The following GPAT3 variants were observed in gnomAD, a reference collection of about 807,000 sequenced individuals.
GPAT3 encodes glycerol-3-phosphate acyltransferase 3.
GPAT3 carries 53 observed loss-of-function variants against 58.8 expected under a neutral mutation model. The ratio of observed to expected loss-of-function variants is 0.90; its 90% CI spans 0.72 to 1.13. GPAT3 has a LOEUF of 1.13. GPAT3 is among the 50% of genes most tolerant of loss of function. GPAT3 has a pLI of 0.00. For synonymous variants in GPAT3, 197 were observed against 187.4 expected (o/e 1.05, Z -0.42); for missense variants, 511 against 527.6 (o/e 0.97, Z 0.31).
At chr4:83,583,680 A>G (rs1274973744) in intron 3 of GPAT3, among the ~76,000 whole-genome samples, 8 of 146,066 alleles carry the variant, frequency 5.5e-5, no homozygotes, top group Admixed American at 1.4e-4. Flanking sequence ...AAAAAAAAAA[A>G]AAAAAAAAAA....
chr4:83,569,322 G>T (rs1450678266), intron 2 of GPAT3, among the ~76,000 whole-genome samples: 1 of 152,202 alleles, frequency 6.6e-6, no homozygotes, highest in Non-Finnish European at 1.5e-5. Context: ...TCTGTCTTTT[G>T]CTCAAAGACC....
intron 2 of GPAT3, among the ~76,000 whole-genome samples, chr4:83,546,357 A>G (rs1239351424): frequency 6.7e-6 from 1 of 148,932 alleles, no homozygotes; most frequent in African/African-American, 2.5e-5. Flanking sequence ...AGTAGATGAG[A>G]GGGTCTAGTA....
intron 2 of GPAT3, among the ~76,000 whole-genome samples, chr4:83,555,271 C>A (rs1461658181): frequency 6.6e-6 from 1 of 152,158 alleles, no homozygotes; most frequent in Non-Finnish European, 1.5e-5. Flanking sequence ...TGGCTGGGAG[C>A]TCCTGGATAG....
intron 3 of GPAT3, among the ~76,000 whole-genome samples, chr4:83,583,697 A>AT (rs1288629400): frequency 6.7e-6 from 1 of 148,394 alleles, no homozygotes; most frequent in Admixed American, 6.8e-5. Context: ...AAAAAAAAAA[A>AT]TGAAGCTGGG....
chr4:83,536,126 C>T lies in GPAT3; in HGVS notation c.-497C>T. On this transcript the variant is annotated 5_prime_UTR_variant, in exon 1 of 12. Transcript: ENST00000264409. ...CGCAGCCAGCTTCCAGCACAGCCCG[C>T]GGCCCGGTGCCAGCTCCGCCGGCGA... 3 of 985,864 alleles carry T rather than the reference C, an allele frequency of 3.0e-6. No individual in the cohort carries two copies. The highest frequency in any genetic ancestry group is 3.6e-6 in the Non-Finnish European group (3 of 830,186). 61.1% of individuals were successfully genotyped at this position (985,864 alleles called of 1,614,324 possible).
In GPAT3 at chr4:83,562,185, ATATATATATATATAATATATATATAT is replaced by A. The variant is rs1164944337; in HGVS notation, c.208+17609_208+17634del. Among the ~76,000 whole-genome samples the A allele has an allele frequency of 7.3e-4, 38 of 52,022 alleles. 1 individual carries two copies. The highest frequency in any genetic ancestry group is 1.2e-3 in the Non-Finnish European group (36 of 30,402). 34.1% of individuals were successfully genotyped at this position (52,022 alleles called of 152,430 possible). A position where few individuals can be genotyped will look rare whatever the true frequency, so the allele number is the denominator to read the frequency against. Reference sequence around the variant, plus strand: ...TTTCTAGTTATTTTATATATTATATATATATATATATATAATATATATATATTATATATATATATAATATATATATA... The same window carrying A: ...TTTCTAGTTATTTTATATATTATATATATATATATATATAATATATATATA... On this transcript the variant is annotated intron_variant, in intron 2 of 11. Coordinates refer to ENST00000264409, the MANE Select transcript of GPAT3 (RefSeq NM_032717.5).
At chr4:83,602,112 C>T (rs1194123334) in intron 11 of GPAT3, among the ~76,000 whole-genome samples, 2 of 152,186 alleles carry the variant, frequency 1.3e-5, no homozygotes, top group African/African-American at 2.4e-5. Context: ...CATGGTCATA[C>T]GTGCAACTGG....
chr4:83,579,059 TTTCTTTCTTTCTTTCTTTCTTCCCTTCC>T (rs1355508332), intron 2 of GPAT3, among the ~76,000 whole-genome samples: 1 of 34,936 alleles, frequency 2.9e-5, no homozygotes, highest in Non-Finnish European at 5.5e-5. Context: ...TCTTTCTTTC[TTTCTTTCTTTCTTTCTTTCTTCCCTTCC>T]TTCCTTCCTT....
intron 3 of GPAT3, among the ~76,000 whole-genome samples, chr4:83,582,789 T>G (rs1014689581): frequency 6.6e-5 from 10 of 152,092 alleles, no homozygotes; most frequent in South Asian, 6.2e-4. Flanking sequence ...TGTTGTTGTT[T>G]TTTTTTGCCC....
In GPAT3 at chr4:83,590,457, G is replaced by A. The variant is rs138433162; in HGVS notation, c.738+165G>A. On this transcript the variant is annotated intron_variant, in intron 6 of 11. Transcript: ENST00000264409. The stretch of plus-strand genomic sequence containing the variant: ...AATGTATTTACATGAGGAATATGTA[G>A]TGCAAGAAAAGGAAGGAAAATAGCC... Among the ~76,000 whole-genome samples the A allele has an allele frequency of 3.8e-3, 584 of 152,312 alleles. 7 individuals are homozygous for A. In the East Asian group the frequency reaches 0.06, roughly 16 times the overall value.
At chr4:83,598,963 A>T (rs563270212) in intron 11 of GPAT3, among the ~76,000 whole-genome samples, 13 of 151,234 alleles carry the variant, frequency 8.6e-5, no homozygotes, top group Admixed American at 7.3e-4. Context: ...CTATTTTAAA[A>T]TTTTTTGTAG....
At chr4:83,584,096 G>A (rs1726273310) in intron 3 of GPAT3, among the ~76,000 whole-genome samples, 1 of 152,236 alleles carries the variant, frequency 6.6e-6, no homozygotes, top group Non-Finnish European at 1.5e-5. Context: ...CAGTGCTTGA[G>A]ATGCCCTTGT....
Position 83,590,139 on chromosome 4 carries a change from G to A in GPAT3, c.645-60G>A, listed in dbSNP as rs1726541044. ...ACACACACTTAAAAAAGTAAGATGA[G>A]TATTTACATGCTGTGGCTATTTTAG... On this transcript the variant is annotated intron_variant, in intron 5 of 11. Coordinates refer to ENST00000264409, the MANE Select transcript of GPAT3 (RefSeq NM_032717.5). The A allele has an allele frequency of 5.5e-6, 8 of 1,462,250 alleles. No homozygotes were observed. The Admixed American group carries it at 1.1e-4, about 19-fold the overall frequency. The allele number at this position is 1,462,250 out of a possible 1,614,324, so 90.6% of individuals were successfully genotyped here. A position where few individuals can be genotyped will look rare whatever the true frequency, so the allele number is the denominator to read the frequency against.
rs180746869 is a variant in GPAT3, at chr4:83,572,051, A to T, written c.209-9511A>T. ...TCCTCCCAAAGTGCTGGGATTACAGATGTGAGCCACTGCGCTTGGCTTCAT... is the reference window on the plus strand; with the variant it reads ...TCCTCCCAAAGTGCTGGGATTACAGTTGTGAGCCACTGCGCTTGGCTTCAT... On this transcript the variant is annotated intron_variant, in intron 2 of 11. Coordinates refer to ENST00000264409, the MANE Select transcript of GPAT3 (RefSeq NM_032717.5). Among the ~76,000 whole-genome samples, 610 of 152,168 alleles carry T rather than the reference A, an allele frequency of 4.0e-3. 5 individuals are homozygous for T. Among genetic ancestry groups the T allele is most frequent in the African/African-American group, 0.014 (575 of 41,526 alleles).
In GPAT3 at chr4:83,581,803, A is replaced by G; in HGVS notation, c.450A>G (p.Ile150Met). ...CTATGGTGTGGGTGCTGGGCGTCAT[A>G]GTGCGCTATTGTGTCCTACTGCCTC... ...RLTMVWVLGV[I>M]VRYCVLLPLR... is the part of the protein sequence containing the mutation. The change falls in exon 3 of 12, where the codon ATA becomes ATG. Residue 150 changes from isoleucine to methionine, a missense_variant. Physicochemically the swap from Ile to Met is conservative, Grantham distance 10 (BLOSUM62 1). Coordinates refer to ENST00000264409, the MANE Select transcript of GPAT3 (RefSeq NM_032717.5). 6.2e-7 allele frequency: 1 copy of G among 1,614,018 alleles called. No homozygotes were observed. Among genetic ancestry groups the G allele is most frequent in the South Asian group, 1.1e-5 (1 of 91,062 alleles).
At chr4:83,550,321 C>T (rs994497515) in intron 2 of GPAT3, among the ~76,000 whole-genome samples, 2 of 152,144 alleles carry the variant, frequency 1.3e-5, no homozygotes, top group African/African-American at 4.8e-5. Context: ...CCATGAGCCC[C>T]CACACCCAGC....
At chr4:83,580,538 T>G (rs987282753) in intron 2 of GPAT3, among the ~76,000 whole-genome samples, 30 of 152,204 alleles carry the variant, frequency 2.0e-4, no homozygotes, top group African/African-American at 7.2e-4. Flanking sequence ...CTATCTTCAG[T>G]CTTTTCATTG....
At chr4:83,586,266 G>A (rs987515472) in intron 3 of GPAT3, among the ~76,000 whole-genome samples, 3 of 152,158 alleles carry the variant, frequency 2.0e-5, no homozygotes, top group African/African-American at 7.2e-5. Context: ...AGATAGCTAC[G>A]TGTCAGCAGT....
intron 11 of GPAT3, among the ~76,000 whole-genome samples, chr4:83,601,609 G>T (rs1314241599): frequency 6.6e-6 from 1 of 152,154 alleles, no homozygotes; most frequent in Non-Finnish European, 1.5e-5. Flanking sequence ...ACAAAAATTA[G>T]CTGGGCGCCA....
Sources: gnomAD v4.1 joint callset for allele counts (sites outside exome capture counted in the v4.1 genomes callset) on GRCh38, gnomAD v4.1.1 for gene constraint, MANE v1.5 for transcripts, NCBI Gene and HGNC (gene_info 2026-07-23, HGNC 2026-07-21) for gene names.